Variants in PYY observed in about 807,000 individuals in gnomAD.
PYY encodes peptide YY.
A neutral mutation model predicts 10.3 loss-of-function variants in PYY; 12 were observed. That is an observed-to-expected ratio of 1.17 (90% CI 0.75 to 1.89). The LOEUF is 1.89. PYY is among the 40% of genes most tolerant of loss of function. PYY has a pLI of 0.00. For missense variants in PYY, 141 were observed against 134.0 expected (o/e 1.05, Z -0.26); for synonymous variants, 66 against 62.0 (o/e 1.06, Z -0.30).
chr17:43,981,323 A>C (rs1390147899), intron 1 of PYY, among the ~76,000 whole-genome samples: 1 of 152,052 alleles, frequency 6.6e-6, no homozygotes, highest in Non-Finnish European at 1.5e-5. Context: ...ACCAATGTAC[A>C]CTCCCATCAA....
In PYY at chr17:43,952,813, A is replaced by C; in HGVS notation, c.*143T>G. Reference sequence around the variant, plus strand: ...GCCCTCCAGCCCAGGGGGCGGGGGCACCGAGACGCGGGCGGAGGGCCGCAC... The same window carrying C: ...GCCCTCCAGCCCAGGGGGCGGGGGCCCCGAGACGCGGGCGGAGGGCCGCAC... On this transcript the variant is annotated 3_prime_UTR_variant, in exon 4 of 4. Coordinates refer to ENST00000692052, the MANE Select transcript of PYY (RefSeq NM_001394028.1). 1 of 859,440 alleles carries C rather than the reference A, an allele frequency of 1.2e-6. No homozygotes were observed. The highest frequency in any genetic ancestry group is 1.7e-6 in the Non-Finnish European group (1 of 572,144). 53.2% of individuals were successfully genotyped at this position (859,440 alleles called of 1,614,324 possible).
At chr17:43,958,135 C>CAAAACAAAAAAAAAA (rs2048687029), upstream of PYY, 1 of 47,276 alleles carries the variant, frequency 2.1e-5, no homozygotes, top group Non-Finnish European at 3.7e-5. Flanking sequence ...CTGAATACAC[C>CAAAACAAAAAAAAAA]AAAAAAAAAA....
chr17:43,953,305 G>C lies in PYY; in HGVS notation c.179C>G (p.Thr60Ser), dbSNP rs1242153337. Residue 60 changes from threonine to serine, a missense_variant, in exon 2 of 4, where the codon ACC becomes AGC. Transcript: ENST00000692052. ...ASLRHYLNLV[T>S]RQRYGKRDGP... is the part of the protein sequence containing the mutation. ...CCGCGCCTGCGCTCACCGCTGCCGG[G>C]TGACCAGGTTGAGGTAGTGGCGCAG... 6.2e-7 allele frequency: 1 copy of C among 1,612,524 alleles called. No individual in the cohort carries two copies. Among genetic ancestry groups the C allele is most frequent in the Non-Finnish European group, 8.5e-7 (1 of 1,179,300 alleles).
chr17:43,996,908 C>A (rs915608603), intron 1 of PYY, among the ~76,000 whole-genome samples: 8 of 151,968 alleles, frequency 5.3e-5, no homozygotes, highest in Admixed American at 3.3e-4. Flanking sequence ...AGGCTGGTCT[C>A]AAATTCCTGA....
chr17:43,984,949 T>C (rs1359278285), intron 1 of PYY, among the ~76,000 whole-genome samples: 1 of 152,164 alleles, frequency 6.6e-6, no homozygotes, highest in African/African-American at 2.4e-5. Flanking sequence ...AGTTGTTATA[T>C]AACTTTTATA....
intron 1 of PYY, among the ~76,000 whole-genome samples, chr17:43,984,197 C>T (rs953926612): frequency 2.6e-5 from 4 of 152,232 alleles, no homozygotes; most frequent in Non-Finnish European, 5.9e-5. Flanking sequence ...GCCTTCGCAG[C>T]CTCCGGGTCA....
At chr17:43,955,125 G>T (rs1300561864), upstream of PYY, among the ~76,000 whole-genome samples, 1 of 152,186 alleles carries the variant, frequency 6.6e-6, no homozygotes, top group East Asian at 1.9e-4. Flanking sequence ...TAAGTCTAGG[G>T]CCCACACCCA....
At chr17:43,975,220 A>G (rs997623543) in intron 1 of PYY, among the ~76,000 whole-genome samples, 1 of 152,132 alleles carries the variant, frequency 6.6e-6, no homozygotes, top group African/African-American at 2.4e-5. Context: ...GTTTCTGAAC[A>G]TGTCTTTCCT....
At chr17:43,995,177 T>C (rs2048983193) in intron 1 of PYY, among the ~76,000 whole-genome samples, 1 of 152,210 alleles carries the variant, frequency 6.6e-6, no homozygotes, top group Non-Finnish European at 1.5e-5. Context: ...CGGCTGGACC[T>C]GCGCCCTGAG....
intron 1 of PYY, among the ~76,000 whole-genome samples, chr17:43,976,756 A>T (rs1395968889): frequency 6.6e-6 from 1 of 152,192 alleles, no homozygotes; most frequent in Non-Finnish European, 1.5e-5. Flanking sequence ...TCAGTGACAC[A>T]GCGAGACTCT....
intron 1 of PYY, among the ~76,000 whole-genome samples, chr17:43,989,428 T>TA (rs1441677114): frequency 6.6e-6 from 1 of 151,914 alleles, no homozygotes; most frequent in Non-Finnish European, 1.5e-5. Context: ...TTTGCCATCT[T>TA]AATTTTTGGA....
intron 2 of PYY, among the ~76,000 whole-genome samples, chr17:43,958,988 C>G (rs2048694129): frequency 6.6e-6 from 1 of 152,100 alleles, no homozygotes; most frequent in African/African-American, 2.4e-5. Context: ...AAAGATAAAC[C>G]ATTAAGGGAA....
At chr17:43,979,291 G>A (rs898503113) in intron 1 of PYY, among the ~76,000 whole-genome samples, 13 of 152,170 alleles carry the variant, frequency 8.5e-5, no homozygotes, top group Non-Finnish European at 1.9e-4. Context: ...GTCTTATTAA[G>A]CCCTCCAAGT....
chr17:43,952,791 C>G lies in PYY; in HGVS notation c.*165G>C. 1 of 697,240 alleles carries G rather than the reference C, an allele frequency of 1.4e-6. No individual in the cohort carries two copies. Among genetic ancestry groups the G allele is most frequent in the South Asian group, 2.1e-5 (1 of 46,966 alleles). The allele number at this position is 697,240 out of a possible 1,614,324, so 43.2% of individuals were successfully genotyped here. A position where few individuals can be genotyped will look rare whatever the true frequency, so the allele number is the denominator to read the frequency against. On this transcript the variant is annotated 3_prime_UTR_variant, in exon 4 of 4. Transcript: ENST00000692052. Reference sequence around the variant, plus strand: ...GACCAGGGAAGGACCACACACAGCCCTCCAGCCCAGGGGGCGGGGGCACCG... The same window carrying G: ...GACCAGGGAAGGACCACACACAGCCGTCCAGCCCAGGGGGCGGGGGCACCG...
chr17:43,963,771 T>C, intron 2 of PYY, among the ~76,000 whole-genome samples: 1 of 150,514 alleles, frequency 6.6e-6, no homozygotes, highest in East Asian at 2.0e-4. Flanking sequence ...AGTTCGAGAC[T>C]AGACTGGGCA....
intron 1 of PYY, among the ~76,000 whole-genome samples, chr17:43,993,633 A>C (rs1245392334): frequency 6.6e-6 from 1 of 151,974 alleles, no homozygotes; most frequent in Non-Finnish European, 1.5e-5. Flanking sequence ...CTTAAAAAAA[A>C]AAAAATGCTG....
At chr17:43,991,641 G>A (rs1198479026) in intron 1 of PYY, among the ~76,000 whole-genome samples, 5 of 152,156 alleles carry the variant, frequency 3.3e-5, no homozygotes, top group Admixed American at 2.0e-4. Context: ...TGTGTAGCCT[G>A]GGCAACATGG....
intron 1 of PYY, among the ~76,000 whole-genome samples, chr17:43,973,328 G>T (rs2048807829): frequency 6.6e-6 from 1 of 152,064 alleles, no homozygotes; most frequent in Non-Finnish European, 1.5e-5. Context: ...GCCTGGTGTG[G>T]GATCACATCC....
At chr17:43,981,171 C>G (rs1385615886) in intron 1 of PYY, among the ~76,000 whole-genome samples, 2 of 152,056 alleles carry the variant, frequency 1.3e-5, no homozygotes, top group Non-Finnish European at 2.9e-5. Context: ...CCTGGCCGAG[C>G]AGAACATTCT....
Sources: allele counts gnomAD v4.1 joint callset (sites outside exome capture counted in the v4.1 genomes callset), GRCh38; gene constraint gnomAD v4.1.1; transcripts MANE v1.5; gene names NCBI Gene and HGNC (gene_info 2026-07-23, HGNC 2026-07-21).